MAP3K10: variants seen among roughly 807,000 people sequenced by gnomAD.
MAP3K10 encodes the protein MKN28 derived nonreceptor_type serine/threonine kinase.
In MAP3K10, 22 loss-of-function variants were observed where a neutral mutation model predicts 75.0. That is an observed-to-expected ratio of 0.29 (90% CI 0.21 to 0.42). The LOEUF (loss-of-function observed/expected upper bound fraction) is 0.42, where lower values mean the gene tolerates loss of function less well. Among genes scored for constraint, MAP3K10 ranks in the 10% least tolerant of loss-of-function variants. The probability of loss-of-function intolerance (pLI) is 1.00; values close to 1 mark genes in which losing one functional copy is unlikely to be tolerated. For synonymous variants in MAP3K10, 599 were observed against 612.9 expected (o/e 0.98, Z 0.34); for missense variants, 1,165 against 1,379.8 (o/e 0.84, Z 2.47).
chr19:40,194,088 C>T (rs1011578364), intron 1 of MAP3K10, among the ~76,000 whole-genome samples: 1 of 152,160 alleles, frequency 6.6e-6, no homozygotes, highest in Admixed American at 6.5e-5. Flanking sequence ...TGGCTGGGCG[C>T]GGTGGCTCAC....
Position 40,198,669 on chromosome 19 carries a change from G to A in MAP3K10, c.863+114G>A. 7 of 1,135,816 alleles carry A rather than the reference G, an allele frequency of 6.2e-6. No homozygotes were observed. Among genetic ancestry groups the A allele is most frequent in the Non-Finnish European group, 8.6e-6 (7 of 813,778 alleles). 70.4% of individuals were successfully genotyped at this position (1,135,816 alleles called of 1,614,324 possible). On this transcript the variant is annotated intron_variant, in intron 2 of 9. Coordinates refer to ENST00000253055, the MANE Select transcript of MAP3K10 (RefSeq NM_002446.4). This position sits in a 1 kb window ranked among gnomAD's most constrained non-coding sequence, Gnocchi z 4.3. ...AAGCCAGGATCTCAGTCTGACAAAG[G>A]GACCTGCTGGCAAGGTCAGGCCACC...
rs1972952338 is a variant in MAP3K10 at position 40,198,356 on chromosome 19, C to T, written c.683-19C>T. Reference sequence around the variant, plus strand: ...GCGTGGCAGGTCTGGGGTGACCCACCTTTCTTCCCACCCCACAGTCCTGAT... The same window carrying T: ...GCGTGGCAGGTCTGGGGTGACCCACTTTTCTTCCCACCCCACAGTCCTGAT... On this transcript the variant is annotated intron_variant, in intron 1 of 9. Transcript: ENST00000253055. The surrounding 1 kb of genome is among the most constrained non-coding windows in gnomAD (Gnocchi z 4.3). 5.6e-6 allele frequency: 9 copies of T among 1,599,956 alleles called. No individual in the cohort carries two copies. Among genetic ancestry groups the T allele is most frequent in the Non-Finnish European group, 7.7e-6 (9 of 1,171,566 alleles).
At chr19:40,203,946 T>C (rs776335437) in intron 2 of MAP3K10, among the ~76,000 whole-genome samples, 2 of 152,094 alleles carry the variant, frequency 1.3e-5, no homozygotes, top group Non-Finnish European at 2.9e-5. Flanking sequence ...GGCCAGAGGT[T>C]AGAAAGCACA....
Position 40,215,312 on chromosome 19 carries a change from G to T in MAP3K10, c.*20G>T. ...CACTAAGGCCTGCCCACCACCGCCC[G>T]CCTGGGCAGCCATGAATGTAGCGCC... On this transcript the variant is annotated 3_prime_UTR_variant, in exon 10 of 10. Transcript: ENST00000253055. 5 of 1,525,894 alleles carry T rather than the reference G, an allele frequency of 3.3e-6. No individual in the cohort carries two copies. The highest frequency in any genetic ancestry group is 4.4e-6 in the Non-Finnish European group (5 of 1,131,336). The allele number at this position is 1,525,894 out of a possible 1,614,324, so 94.5% of individuals were successfully genotyped here.
At position 40,215,492 on chromosome 19, in the gene MAP3K10, G is replaced by A; in HGVS notation, c.*200G>A. On this transcript the variant is annotated 3_prime_UTR_variant, in exon 10 of 10. Coordinates refer to ENST00000253055, the MANE Select transcript of MAP3K10 (RefSeq NM_002446.4). ...CCCTGTGCCCACCCTGCACTGGGGG[G>A]AGGGTGGGCAGGGATACTCAGGGAC... is the stretch of plus-strand genomic sequence containing the variant. The A allele has an allele frequency of 1.7e-6, 1 of 593,480 alleles. No individual in the cohort carries two copies. The highest frequency in any genetic ancestry group is 3.0e-6 in the Non-Finnish European group (1 of 337,342). The allele number at this position is 593,480 out of a possible 1,614,324, so 36.8% of individuals were successfully genotyped here.
chr19:40,214,443 G>T (rs1398031126), intron 9 of MAP3K10, among the ~76,000 whole-genome samples: 1 of 152,208 alleles, frequency 6.6e-6, no homozygotes, highest in African/African-American at 2.4e-5. Flanking sequence ...CCAGGCAGGT[G>T]CCTATAGCGG....
chr19:40,206,246 T>C, intron 5 of MAP3K10, 89 bp downstream of exon 5: 1 of 1,443,474 alleles, frequency 6.9e-7, no homozygotes, highest in Non-Finnish European at 9.3e-7. Flanking sequence ...CTTTTTCAAC[T>C]TGTTTTTATT....
chr19:40,205,072 C>T lies in MAP3K10; in HGVS notation c.1013-49C>T, dbSNP rs368407913. On this transcript the variant is annotated intron_variant, in intron 3 of 9. Coordinates refer to ENST00000253055, the MANE Select transcript of MAP3K10 (RefSeq NM_002446.4). The surrounding 1 kb of genome is among the most constrained non-coding windows in gnomAD (Gnocchi z 4.3). ...AGCAGGCTGAGTCCCCAGAGCATGA[C>T]CACTGACACCTCCATGCCCCACCAC... 15 of 1,555,594 alleles carry T rather than the reference C, an allele frequency of 9.6e-6. No individual in the cohort carries two copies. In the African/African-American group the frequency reaches 1.2e-4, roughly 13 times the overall value.
At chr19:40,211,465 G>A (rs888774474) in intron 6 of MAP3K10, among the ~76,000 whole-genome samples, 11 of 151,762 alleles carry the variant, frequency 7.2e-5, no homozygotes, top group Admixed American at 2.6e-4. Context: ...TGCTGCACCT[G>A]TCAACCCATC....
intron 1 of MAP3K10, among the ~76,000 whole-genome samples, chr19:40,193,897 C>A (rs1449744012): frequency 2.0e-5 from 3 of 152,198 alleles, no homozygotes; most frequent in African/African-American, 7.2e-5. Flanking sequence ...GCTCTCAACA[C>A]CCACATCTCA....
In MAP3K10 at chr19:40,198,242, G is replaced by C; in HGVS notation, c.683-133G>C. Reference sequence around the variant, plus strand: ...CTCATGGATGTTCCAGGCCAGGAAAGGACCTGCCACAGAGCGGGGCAGCCT... The same window carrying C: ...CTCATGGATGTTCCAGGCCAGGAAACGACCTGCCACAGAGCGGGGCAGCCT... On this transcript the variant is annotated intron_variant, in intron 1 of 9. Transcript: ENST00000253055. The surrounding 1 kb of genome is among the most constrained non-coding windows in gnomAD (Gnocchi z 4.3). 1 of 790,072 alleles carries C rather than the reference G, an allele frequency of 1.3e-6. No individual in the cohort carries two copies. The highest frequency in any genetic ancestry group is 2.7e-5 in the East Asian group (1 of 36,650). 48.9% of individuals were successfully genotyped at this position (790,072 alleles called of 1,614,324 possible).
intron 1 of MAP3K10, among the ~76,000 whole-genome samples, chr19:40,194,828 A>G (rs1203841593): frequency 6.6e-6 from 1 of 152,210 alleles, no homozygotes; most frequent in Non-Finnish European, 1.5e-5. Context: ...TCCCTCCCCC[A>G]GCTATGGAAT....
Position 40,204,729 on chromosome 19 carries a change from G to A in MAP3K10, c.1012+96G>A. On this transcript the variant is annotated intron_variant, in intron 3 of 9. Transcript: ENST00000253055. This position sits in a 1 kb window ranked among gnomAD's most constrained non-coding sequence, Gnocchi z 4.3. ...CCCTTCACACCTATCCATACCAGTG[G>A]GCCCAGGAGTGAGGAAGAAGGGGCT... 7.1e-7 allele frequency: 1 copy of A among 1,416,642 alleles called. No homozygotes were observed. Among genetic ancestry groups the A allele is most frequent in the South Asian group, 1.3e-5 (1 of 74,160 alleles). 87.8% of individuals were successfully genotyped at this position (1,416,642 alleles called of 1,614,324 possible).
In MAP3K10 at chr19:40,213,000, C is replaced by T. The variant is rs372897510; in HGVS notation, c.1724+24C>T. 3.1e-6 allele frequency: 5 copies of T among 1,591,896 alleles called. No individual in the cohort carries two copies. Among genetic ancestry groups the T allele is most frequent in the South Asian group, 1.1e-5 (1 of 87,406 alleles). ...AGGTGAGGTGTGGTGTGGTCATGCCCACCCTGTGCCCAAGCCCCAGCTCCC... is the reference window on the plus strand; with the variant it reads ...AGGTGAGGTGTGGTGTGGTCATGCCTACCCTGTGCCCAAGCCCCAGCTCCC... On this transcript the variant is annotated intron_variant, in intron 7 of 9. Transcript: ENST00000253055. The surrounding 1 kb of genome is among the most constrained non-coding windows in gnomAD (Gnocchi z 4.2).
chr19:40,214,114 C>T lies in MAP3K10; in HGVS notation c.2435C>T (p.Pro812Leu). ...FKKDPRQSLT[P>L]THVTAACAVS... ...AAGGACCCCCGCCAGTCGCTCACGC[C>T]CACCCACGTCACGGCTGCATGCGCT... Residue 812 changes from proline (P) to leucine (L), a missense_variant, in exon 9 of 10, where the codon CCC becomes CTC. Pro to Leu is a moderately conservative substitution (Grantham distance 98, BLOSUM62 -3). Transcript: ENST00000253055. 1 of 1,566,102 alleles carries T rather than the reference C, an allele frequency of 6.4e-7. No individual in the cohort carries two copies. Among genetic ancestry groups the T allele is most frequent in the South Asian group, 1.2e-5 (1 of 86,222 alleles).
intron 9 of MAP3K10, 53 bp from the exon 10 acceptor site, chr19:40,214,917 T>C: frequency 1.2e-6 from 1 of 812,860 alleles, no homozygotes; most frequent in Admixed American, 2.1e-5. Flanking sequence ...CTGGGCTTTT[T>C]AATGCCACCC....
Position 40,204,518 on chromosome 19 carries a change from G to A in MAP3K10, c.897G>A (p.Gly299=), listed in dbSNP as rs1354569846. The part of the protein sequence containing the change: ...FGVLLWELLT[G]EVPYREIDAL... Reference sequence around the variant, plus strand: ...TGCTGCTGTGGGAGCTGCTGACGGGGGAGGTCCCCTACCGTGAGATCGACG... The same window carrying A: ...TGCTGCTGTGGGAGCTGCTGACGGGAGAGGTCCCCTACCGTGAGATCGACG... Residue 299 remains glycine (G), a synonymous_variant, in exon 3 of 10, where the codon GGG becomes GGA. Transcript: ENST00000253055. This position sits in a 1 kb window ranked among gnomAD's most constrained non-coding sequence, Gnocchi z 4.3. 4 of 1,613,820 alleles carry A rather than the reference G, an allele frequency of 2.5e-6. No homozygotes were observed. The African/African-American group carries it at 5.3e-5, about 22-fold the overall frequency.
intron 6 of MAP3K10, among the ~76,000 whole-genome samples, chr19:40,210,705 A>G (rs1205651648): frequency 6.6e-6 from 1 of 152,118 alleles, no homozygotes; most frequent in Non-Finnish European, 1.5e-5. Flanking sequence ...AGTCTCAAAA[A>G]AAAAAAAAAT....
In MAP3K10 at chr19:40,213,774, G is replaced by T. The variant is rs1167129970; in HGVS notation, c.2095G>T (p.Gly699Cys). The part of the protein sequence containing the change: ...ADVAEARAAD[G>C]EEQRRWLDGL... The stretch of plus-strand genomic sequence containing the variant: ...CGTGGCCGAGGCGCGCGCGGCCGAC[G>T]GTGAGGAGCAGCGGCGCTGGCTCGA... The change falls in exon 9 of 10, where the codon GGT (glycine) becomes TGT (cysteine). Residue 699 changes from glycine (G) to cysteine (C), a missense_variant. This residue lies in a region of MAP3K10 where 590 missense variants were observed against 586.6 expected (regional missense o/e 1.01). Coordinates refer to ENST00000253055, the MANE Select transcript of MAP3K10 (RefSeq NM_002446.4). The surrounding 1 kb of genome is among the most constrained non-coding windows in gnomAD (Gnocchi z 5.7). The T allele has an allele frequency of 1.7e-6, 2 of 1,184,322 alleles. No individual in the cohort carries two copies. Among genetic ancestry groups the T allele is most frequent in the East Asian group, 4.8e-5 (1 of 20,960 alleles). 73.4% of individuals were successfully genotyped at this position (1,184,322 alleles called of 1,614,324 possible). A position where few individuals can be genotyped will look rare whatever the true frequency, so the allele number is the denominator to read the frequency against.
Sources: allele counts gnomAD v4.1 joint callset (sites outside exome capture counted in the v4.1 genomes callset), GRCh38; gene constraint gnomAD v4.1.1; regional missense constraint gnomAD v4.1.1; non-coding constraint Gnocchi (gnomAD v3.1); transcripts MANE v1.5; gene names NCBI Gene and HGNC (gene_info 2026-07-23, HGNC 2026-07-21).